Variants in FAM107B observed in about 807,000 individuals in gnomAD.
FAM107B encodes the protein protein FAM107B.
Under a neutral mutation model 31.5 loss-of-function variants are expected in FAM107B, and 21 were observed. The ratio of observed to expected loss-of-function variants is 0.67; its 90% CI spans 0.47 to 0.96. The LOEUF (loss-of-function observed/expected upper bound fraction) is 0.96, where lower values mean the gene tolerates loss of function less well. Among genes scored for constraint, FAM107B ranks in the 40% least tolerant of loss-of-function variants. The pLI, the probability that FAM107B is intolerant of heterozygous loss-of-function variation, is 0.00. For missense variants in FAM107B, 452 were observed against 377.1 expected (o/e 1.20, Z -1.64); for synonymous variants, 157 against 141.5 (o/e 1.11, Z -0.78).
At chr10:14,526,440 T>A (rs1254078688) in intron 3 of FAM107B, among the ~76,000 whole-genome samples, 1 of 152,222 alleles carries the variant, frequency 6.6e-6, no homozygotes, top group Non-Finnish European at 1.5e-5. Flanking sequence ...CCTCCCAGAG[T>A]GCTGGAATTA....
At chr10:14,598,664 C>T (rs989972105) in intron 2 of FAM107B, among the ~76,000 whole-genome samples, 3 of 152,180 alleles carry the variant, frequency 2.0e-5, no homozygotes, top group Admixed American at 6.5e-5. Context: ...AAACACCGTA[C>T]GCTTAAAAAT....
rs61842694 is a variant in FAM107B at position 14,580,846 on chromosome 10, G to A, written c.470-50331C>T. On this transcript the variant is annotated intron_variant, in intron 2 of 4. Transcript: ENST00000181796. ...TCCTAACTTCATACCAAGATGGAAC[G>A]TAATGTATTCTGCAGAACGTTCTTC... 6.8e-3 allele frequency among the ~76,000 whole-genome samples: 1,041 copies of A among 152,310 alleles called. 6 individuals carry two copies. Among genetic ancestry groups the A allele is most frequent in the Non-Finnish European group, 0.011 (776 of 68,026 alleles).
At chr10:14,689,379 C>CAAA (rs200283842) in intron 1 of FAM107B, among the ~76,000 whole-genome samples, 33,503 of 127,930 alleles carry the variant, frequency 0.26, 4,809 homozygotes, top group Admixed American at 0.33. Flanking sequence ...GACCCTATCT[C>CAAA]AAAAAAAAAA....
At chr10:14,730,143 C>T (rs1019158414) in intron 1 of FAM107B, among the ~76,000 whole-genome samples, 1 of 152,136 alleles carries the variant, frequency 6.6e-6, no homozygotes, top group Non-Finnish European at 1.5e-5. Context: ...CACTGTGGCA[C>T]ATGTATACCT....
chr10:14,751,602 A>G (rs1442646822), intron 1 of FAM107B, among the ~76,000 whole-genome samples: 1 of 152,032 alleles, frequency 6.6e-6, no homozygotes, highest in Non-Finnish European at 1.5e-5. Flanking sequence ...TCCTGGGCTA[A>G]AGCGATCCTC....
intron 2 of FAM107B, among the ~76,000 whole-genome samples, chr10:14,569,413 G>GTGCA (rs1308539601): frequency 1.1e-4 from 16 of 151,556 alleles, no homozygotes; most frequent in Non-Finnish European, 2.1e-4. Context: ...GTGTGTGTGT[G>GTGCA]TGCATGCATG....
chr10:14,720,565 T>A (rs1855887329), intron 1 of FAM107B, among the ~76,000 whole-genome samples: 1 of 152,242 alleles, frequency 6.6e-6, no homozygotes, highest in Admixed American at 6.5e-5. Context: ...ATTTTTGGTC[T>A]TTTTAAAGTA....
intron 3 of FAM107B, chr10:14,528,184 T>G (rs993585814): frequency 3.9e-5 from 7 of 180,448 alleles, no homozygotes; most frequent in African/African-American, 5.2e-5. Flanking sequence ...GTTTTTTTTT[T>G]TTTTTTTTTT....
At chr10:14,673,940 G>A (rs905237087) in intron 1 of FAM107B, among the ~76,000 whole-genome samples, 5 of 151,904 alleles carry the variant, frequency 3.3e-5, no homozygotes, top group African/African-American at 1.2e-4. Flanking sequence ...CCAATCTTTT[G>A]CCTATTTTTT....
chr10:14,580,625 A>G (rs1310568546), intron 2 of FAM107B, among the ~76,000 whole-genome samples: 1 of 152,234 alleles, frequency 6.6e-6, no homozygotes, highest in Non-Finnish European at 1.5e-5. Context: ...AGCGCACTAC[A>G]GCATGGACAA....
chr10:14,669,062 G>T (rs534410056), intron 1 of FAM107B, among the ~76,000 whole-genome samples: 27 of 152,172 alleles, frequency 1.8e-4, no homozygotes, highest in Non-Finnish European at 3.1e-4. Context: ...CTAGAGCTCA[G>T]GTAGTAAGAT....
intron 2 of FAM107B, among the ~76,000 whole-genome samples, chr10:14,608,634 C>G (rs533791715): frequency 6.6e-6 from 1 of 152,294 alleles, no homozygotes; most frequent in African/African-American, 2.4e-5. Context: ...ATAGGACTTC[C>G]TCACACAACA....
At chr10:14,717,254 C>A (rs1160590826) in intron 1 of FAM107B, among the ~76,000 whole-genome samples, 1 of 152,160 alleles carries the variant, frequency 6.6e-6, no homozygotes, top group Non-Finnish European at 1.5e-5. Context: ...GAAAGCCCAG[C>A]CAAAGCCCCT....
intron 2 of FAM107B, among the ~76,000 whole-genome samples, chr10:14,596,810 C>T (rs1564593240): frequency 6.6e-6 from 1 of 152,168 alleles, no homozygotes; most frequent in African/African-American, 2.4e-5. Context: ...AGGGGTGGCC[C>T]ACATGCTGTT....
intron 2 of FAM107B, among the ~76,000 whole-genome samples, chr10:14,623,380 A>C (rs1382082845): frequency 6.6e-6 from 1 of 152,252 alleles, no homozygotes; most frequent in African/African-American, 2.4e-5. Context: ...AGTTAATCCC[A>C]ACTGTGGCTA....
intron 1 of FAM107B, among the ~76,000 whole-genome samples, chr10:14,766,446 T>C (rs1255992036): frequency 1.3e-5 from 2 of 152,206 alleles, no homozygotes; most frequent in South Asian, 4.1e-4. Context: ...ATGGATTAGA[T>C]GCTTAGTAGC....
chr10:14,766,031 C>T (rs978394740), intron 1 of FAM107B, among the ~76,000 whole-genome samples: 6 of 152,112 alleles, frequency 3.9e-5, no homozygotes, highest in Non-Finnish European at 5.9e-5. Flanking sequence ...GCAGATGGTA[C>T]CCCCAAGTCT....
At chr10:14,744,165 A>G (rs1297458025) in intron 1 of FAM107B, among the ~76,000 whole-genome samples, 2 of 152,154 alleles carry the variant, frequency 1.3e-5, no homozygotes, top group Non-Finnish European at 2.9e-5. Context: ...TTGTTGGTGC[A>G]TAGGAATGCT....
intron 2 of FAM107B, among the ~76,000 whole-genome samples, chr10:14,623,039 A>G (rs1853058210): frequency 6.6e-6 from 1 of 152,192 alleles, no homozygotes; most frequent in South Asian, 2.1e-4. Flanking sequence ...CATCTGATAC[A>G]ATTCTCTTAC....
Sources: gnomAD v4.1 joint callset for allele counts (sites outside exome capture counted in the v4.1 genomes callset) on GRCh38, gnomAD v4.1.1 for gene constraint, MANE v1.5 for transcripts, NCBI Gene and HGNC (gene_info 2026-07-23, HGNC 2026-07-21) for gene names.